The following PHF21A variants were observed in gnomAD, a reference collection of about 807,000 sequenced individuals.
PHF21A encodes the protein PHD finger protein 21A, also known as BHC80a.
In PHF21A, 11 loss-of-function variants were observed where a neutral mutation model predicts 82.5. That is an observed-to-expected ratio of 0.13 (90% CI 0.08 to 0.22). The LOEUF is 0.22. Among genes scored for constraint, PHF21A ranks in the 10% least tolerant of loss-of-function variants. The pLI is 1.00. For synonymous variants in PHF21A, 297 were observed against 302.8 expected, an observed-to-expected ratio of 0.98 and a Z score of 0.20; for missense variants, 579 against 837.8, an observed-to-expected ratio of 0.69 and a Z score of 3.81.
At chr11:45,953,679 G>T in intron 10 of PHF21A, 54 bp from the exon 11 acceptor site, 1 of 1,067,574 alleles carries the variant, frequency 9.4e-7, no homozygotes, top group Non-Finnish European at 1.4e-6. Context: ...TTAAAAGGAT[G>T]AAGCAATCAG....
At chr11:46,014,412 T>C (rs1344187119) in intron 6 of PHF21A, among the ~76,000 whole-genome samples, 4 of 152,254 alleles carry the variant, frequency 2.6e-5, no homozygotes, top group African/African-American at 4.8e-5. Flanking sequence ...CAATCCACTG[T>C]TGATGGACAC....
intron 10 of PHF21A, among the ~76,000 whole-genome samples, chr11:45,963,420 C>CAAAAAA (rs35389845): frequency 1.1e-5 from 1 of 89,928 alleles, no homozygotes; most frequent in African/African-American, 3.9e-5. Flanking sequence ...AACTCTGTGT[C>CAAAAAA]AAAAAAAAAA....
intron 1 of PHF21A, among the ~76,000 whole-genome samples, chr11:46,111,098 T>G (rs1323079362): frequency 6.6e-6 from 1 of 150,486 alleles, no homozygotes; most frequent in East Asian, 2.0e-4. Context: ...TTAACAAATT[T>G]TAAATCACAA....
chr11:46,113,687 G>A (rs750270114), intron 1 of PHF21A, among the ~76,000 whole-genome samples: 3 of 152,014 alleles, frequency 2.0e-5, no homozygotes, highest in Non-Finnish European at 2.9e-5. Context: ...TTAGTTGGGC[G>A]TGGTGGCGCA....
At chr11:46,107,520 A>G (rs2135915471) in intron 1 of PHF21A, among the ~76,000 whole-genome samples, 1 of 152,366 alleles carries the variant, frequency 6.6e-6, no homozygotes, top group African/African-American at 2.4e-5. Flanking sequence ...AAACTGCTAC[A>G]TTCTACCAGG....
At chr11:46,091,418 A>C (rs1172231962) in intron 2 of PHF21A, among the ~76,000 whole-genome samples, 1 of 152,220 alleles carries the variant, frequency 6.6e-6, no homozygotes. Flanking sequence ...GAGCCATTAA[A>C]AAAACCTCTC....
rs190197709 is a variant in PHF21A, at chr11:45,946,871, C to G, written c.1289-868G>C. Among the ~76,000 whole-genome samples the G allele has an allele frequency of 2.1e-3, 318 of 152,262 alleles. 1 individual carries two copies. The highest frequency in any genetic ancestry group is 2.8e-3 in the Non-Finnish European group (190 of 68,010). On this transcript the variant is annotated intron_variant, in intron 14 of 18. Transcript: ENST00000676320. ...GGAGGCAAAATTCAAGTTAACTATT[C>G]TTATCCCTTGCTTTTAGAGCTATTG... is the stretch of plus-strand genomic sequence containing the variant.
intron 6 of PHF21A, among the ~76,000 whole-genome samples, chr11:46,040,073 T>C (rs1012697551): frequency 6.6e-6 from 1 of 152,192 alleles, no homozygotes; most frequent in Non-Finnish European, 1.5e-5. Context: ...TCCAAGTCTT[T>C]TTGTGCTGGC....
chr11:46,083,504 G>A (rs1319050289), intron 4 of PHF21A: 1 of 152,134 alleles, frequency 6.6e-6, no homozygotes, highest in Non-Finnish European at 1.5e-5. Context: ...ATCCCCAATT[G>A]TTACAAATTC....
chr11:46,039,858 T>A (rs2096089445), intron 6 of PHF21A, among the ~76,000 whole-genome samples: 1 of 152,224 alleles, frequency 6.6e-6, no homozygotes, highest in Non-Finnish European at 1.5e-5. Flanking sequence ...AATATCTGCA[T>A]GAATGAAAAA....
At chr11:45,945,245 G>C (rs1012603355) in intron 15 of PHF21A, among the ~76,000 whole-genome samples, 1 of 152,168 alleles carries the variant, frequency 6.6e-6, no homozygotes, top group Non-Finnish European at 1.5e-5. Context: ...AGTGAATTCT[G>C]AGCTTTGTTG....
intron 6 of PHF21A, among the ~76,000 whole-genome samples, chr11:46,022,579 A>G (rs540392949): frequency 1.6e-3 from 239 of 152,348 alleles, no homozygotes; most frequent in Non-Finnish European, 1.3e-3. Context: ...CTCCAGCCTC[A>G]GTCTCCCAAG....
chr11:46,095,772 C>T (rs1247095444), intron 1 of PHF21A, among the ~76,000 whole-genome samples: 1 of 152,016 alleles, frequency 6.6e-6, no homozygotes, highest in African/African-American at 2.4e-5. Context: ...AAGTTTAATA[C>T]TAGATCATGT....
At chr11:45,941,477 G>T (rs2090331990) in intron 15 of PHF21A, among the ~76,000 whole-genome samples, 1 of 152,176 alleles carries the variant, frequency 6.6e-6, no homozygotes, top group Non-Finnish European at 1.5e-5. Flanking sequence ...GTTCGGTCTT[G>T]AGAGAATGAG....
intron 6 of PHF21A, among the ~76,000 whole-genome samples, chr11:46,009,053 C>A (rs1157340901): frequency 2.0e-5 from 3 of 148,292 alleles, no homozygotes; most frequent in African/African-American, 7.5e-5. Context: ...CGGCTCACTG[C>A]AACCTCCACC....
chr11:45,972,527 C>A lies in PHF21A; in HGVS notation c.361-1160G>T, dbSNP rs556749336. ...GCGCAGTGGCTCACACATGTAATCC[C>A]AGCACTTTGGGAAACCGAGGCAGGT... On this transcript the variant is annotated intron_variant, in intron 7 of 18. Coordinates refer to ENST00000676320, the MANE Select transcript of PHF21A (RefSeq NM_001352027.3). 6.6e-5 allele frequency among the ~76,000 whole-genome samples: 10 copies of A among 152,328 alleles called. No homozygotes were observed. The South Asian group carries it at 1.2e-3, about 19-fold the overall frequency.
At chr11:45,939,338 G>T (rs1448107886) in intron 15 of PHF21A, among the ~76,000 whole-genome samples, 1 of 152,176 alleles carries the variant, frequency 6.6e-6, no homozygotes, top group Admixed American at 6.5e-5. Flanking sequence ...TCTAGGGGGA[G>T]TTTAGAAGGA....
At chr11:46,073,191 G>GGTGGCGGGCGCCTGTAGTCCCA (rs2096675134) in intron 6 of PHF21A, among the ~76,000 whole-genome samples, 2 of 152,026 alleles carry the variant, frequency 1.3e-5, no homozygotes, top group African/African-American at 4.8e-5. Flanking sequence ...GGCCAGGCGT[G>GGTGGCGGGCGCCTGTAGTCCCA]GTGGCGGGCG....
chr11:46,068,872 A>C (rs1994599), intron 6 of PHF21A, among the ~76,000 whole-genome samples: 137,299 of 152,242 alleles, frequency 0.9, 62,080 homozygotes, highest in East Asian at 1. Flanking sequence ...TGGTACAAGT[A>C]ACCAACTGAC....
Sources: allele counts gnomAD v4.1 joint callset (sites outside exome capture counted in the v4.1 genomes callset), GRCh38; gene constraint gnomAD v4.1.1; transcripts MANE v1.5; gene names NCBI Gene and HGNC (gene_info 2026-07-23, HGNC 2026-07-21).